The following CCDC178 variants were observed in gnomAD, a reference collection of about 807,000 sequenced individuals.
The protein encoded by CCDC178 is coiled-coil domain-containing protein 178.
Under a neutral mutation model 117.4 loss-of-function variants are expected in CCDC178, and 126 were observed. The ratio of observed to expected loss-of-function variants is 1.07; its 90% CI spans 0.93 to 1.24. CCDC178 has a LOEUF of 1.24. Ranked by LOEUF, CCDC178 falls within the 50% of genes most tolerant of loss-of-function variation. CCDC178 has a pLI of 0.00. For missense variants in CCDC178, 1,030 were observed against 986.9 expected, an observed-to-expected ratio of 1.04 and a Z score of -0.59; for synonymous variants, 283 against 313.4, an observed-to-expected ratio of 0.90 and a Z score of 1.02.
At position 32,993,251 on chromosome 18, in the gene CCDC178, A is replaced by T. The variant is rs375909826; in HGVS notation, c.2389-18570T>A. ...GGTGGGAGCTCAGACCTCAAACATC[A>T]GACCAAATTAAGGACTGGCTAAAAC... On this transcript the variant is annotated intron_variant, in intron 21 of 22. Coordinates refer to ENST00000383096, the MANE Select transcript of CCDC178 (RefSeq NM_001105528.4). 1.3e-4 allele frequency among the ~76,000 whole-genome samples: 20 copies of T among 152,188 alleles called. No homozygotes were observed. In the East Asian group the frequency reaches 1.7e-3, roughly 13 times the overall value.
intron 9 of CCDC178, among the ~76,000 whole-genome samples, chr18:33,345,312 GAACAAACA>G (rs965859820): frequency 5.9e-5 from 9 of 152,132 alleles, no homozygotes; most frequent in South Asian, 2.1e-4. Flanking sequence ...AGGGTTTGTA[GAACAAACA>G]AACAAACAAA....
intron 22 of CCDC178, among the ~76,000 whole-genome samples, chr18:32,946,997 G>A (rs1221114386): frequency 6.6e-6 from 1 of 151,950 alleles, no homozygotes; most frequent in African/African-American, 2.4e-5. Flanking sequence ...AGCCAGGACG[G>A]TGTCGATCTC....
chr18:33,013,736 T>C (rs530832423), intron 21 of CCDC178, among the ~76,000 whole-genome samples: 2 of 152,172 alleles, frequency 1.3e-5, no homozygotes, highest in South Asian at 4.1e-4. Context: ...TTCACTTAAG[T>C]GTCAATATTG....
intron 14 of CCDC178, among the ~76,000 whole-genome samples, chr18:33,253,656 C>T (rs572580537): frequency 9.9e-5 from 15 of 151,930 alleles, no homozygotes; most frequent in African/African-American, 3.6e-4. Flanking sequence ...AAACCATAAG[C>T]TTTTGATTTT....
At chr18:33,045,941 A>C (rs1380469323) in intron 21 of CCDC178, among the ~76,000 whole-genome samples, 1 of 152,044 alleles carries the variant, frequency 6.6e-6, no homozygotes, top group Non-Finnish European at 1.5e-5. Flanking sequence ...GGTGGCACCC[A>C]CCTATTATCC....
At chr18:33,100,587 C>T (rs1266871688) in intron 20 of CCDC178, among the ~76,000 whole-genome samples, 1 of 151,894 alleles carries the variant, frequency 6.6e-6, no homozygotes, top group Non-Finnish European at 1.5e-5. Flanking sequence ...TTCAAGGAAG[C>T]ATCAGTTTGT....
At chr18:33,418,886 A>G (rs2063985087) in intron 2 of CCDC178, among the ~76,000 whole-genome samples, 1 of 152,242 alleles carries the variant, frequency 6.6e-6, no homozygotes, top group Admixed American at 6.5e-5. Context: ...TGAAGAATCA[A>G]TATTGTTAAA....
At position 33,246,463 on chromosome 18, in the gene CCDC178, T is replaced by C. The variant is rs1366974948; in HGVS notation, c.1410-1035A>G. Among the ~76,000 whole-genome samples, 9 of 151,820 alleles carry C rather than the reference T, an allele frequency of 5.9e-5. No homozygotes were observed. The East Asian group carries it at 1.8e-3, about 30-fold the overall frequency. ...TCACTTAACAGAACACAGAGAAGAT[T>C]GAATTAGTGTGGCCAAATCAGCTGA... is the stretch of plus-strand genomic sequence containing the variant. On this transcript the variant is annotated intron_variant, in intron 14 of 22. Transcript: ENST00000383096.
In CCDC178 at chr18:33,026,291, C is replaced by T. The variant is rs183235249; in HGVS notation, c.2389-51610G>A. On this transcript the variant is annotated intron_variant, in intron 21 of 22. Coordinates refer to ENST00000383096, the MANE Select transcript of CCDC178 (RefSeq NM_001105528.4). ...GTTAATCAGCATTTTGTATTTTGGG[C>T]GTATGAATATCAATATCTGGTTGTG... Among the ~76,000 whole-genome samples the T allele has an allele frequency of 3.3e-5, 5 of 151,982 alleles. No individual in the cohort carries two copies. In the East Asian group the frequency reaches 9.7e-4, roughly 29 times the overall value.
intron 7 of CCDC178, among the ~76,000 whole-genome samples, chr18:33,351,180 GTGTA>G (rs1012516699): frequency 1.1e-4 from 17 of 150,822 alleles, no homozygotes; most frequent in Non-Finnish European, 2.1e-4. Flanking sequence ...GTGTGTGTGT[GTGTA>G]TAGTTTTTGT....
chr18:33,430,626 A>G (rs1218280321), intron 2 of CCDC178, among the ~76,000 whole-genome samples: 3 of 152,148 alleles, frequency 2.0e-5, no homozygotes, highest in South Asian at 4.1e-4. Context: ...CACTCCTTCA[A>G]GAGGACCCCA....
chr18:33,112,151 T>A (rs2057791973), intron 20 of CCDC178, among the ~76,000 whole-genome samples: 1 of 151,906 alleles, frequency 6.6e-6, no homozygotes, highest in African/African-American at 2.4e-5. Context: ...ATAGTCTTTC[T>A]TATTTTCAAT....
At chr18:33,298,437 TA>T (rs2062134447) in intron 11 of CCDC178, among the ~76,000 whole-genome samples, 1 of 152,098 alleles carries the variant, frequency 6.6e-6, no homozygotes, top group African/African-American at 2.4e-5. Context: ...TTCATCACAA[TA>T]AAAAATACTC....
chr18:33,170,180 A>G (rs2058582251), intron 20 of CCDC178, among the ~76,000 whole-genome samples: 1 of 152,064 alleles, frequency 6.6e-6, no homozygotes, highest in Admixed American at 6.6e-5. Context: ...TACTCTTGTA[A>G]TCTAAGCAAG....
chr18:32,945,434 T>C (rs1234763935), intron 22 of CCDC178, among the ~76,000 whole-genome samples: 2 of 152,214 alleles, frequency 1.3e-5, no homozygotes, highest in Non-Finnish European at 2.9e-5. Flanking sequence ...CAATTTAGCA[T>C]TGCATTTTAA....
At chr18:33,033,740 A>T (rs1418699107) in intron 21 of CCDC178, among the ~76,000 whole-genome samples, 1 of 151,848 alleles carries the variant, frequency 6.6e-6, no homozygotes, top group Non-Finnish European at 1.5e-5. Flanking sequence ...TTCTCTTCTA[A>T]TCCCACTTAA....
chr18:33,280,663 T>C (rs2060012616), intron 12 of CCDC178, among the ~76,000 whole-genome samples: 1 of 152,152 alleles, frequency 6.6e-6, no homozygotes, highest in Admixed American at 6.5e-5. Flanking sequence ...CGTATGTTTA[T>C]TGCGGCACTA....
intron 20 of CCDC178, among the ~76,000 whole-genome samples, chr18:33,105,924 C>T (rs2057698939): frequency 6.6e-6 from 1 of 151,166 alleles, no homozygotes; most frequent in African/African-American, 2.4e-5. Flanking sequence ...AGTTGATTTT[C>T]AAAAATTACA....
intron 2 of CCDC178, among the ~76,000 whole-genome samples, chr18:33,426,604 C>T (rs1052219688): frequency 1.3e-5 from 2 of 152,230 alleles, no homozygotes; most frequent in African/African-American, 4.8e-5. Flanking sequence ...CTTTACTCTT[C>T]CTTTCCTTAG....
Sources: gnomAD v4.1 joint callset for allele counts (sites outside exome capture counted in the v4.1 genomes callset) on GRCh38, gnomAD v4.1.1 for gene constraint, MANE v1.5 for transcripts, NCBI Gene and HGNC (gene_info 2026-07-23, HGNC 2026-07-21) for gene names.